Variants in SZRD1 observed in about 807,000 individuals in gnomAD.
The protein encoded by SZRD1 is SUZ RNA-binding domain-containing.
SZRD1 carries 7 observed loss-of-function variants against 17.6 expected under a neutral mutation model. The ratio of observed to expected loss-of-function variants is 0.40; its 90% CI spans 0.23 to 0.75. The LOEUF is 0.75. SZRD1 is among the 30% of genes least tolerant of loss of function. The pLI is 0.38. For synonymous variants in SZRD1, 77 were observed against 77.9 expected (o/e 0.99, Z 0.06); for missense variants, 178 against 201.8 (o/e 0.88, Z 0.71).
intron 1 of SZRD1, among the ~76,000 whole-genome samples, chr1:16,385,347 G>A (rs2083171335): frequency 6.6e-6 from 1 of 152,140 alleles, no homozygotes; most frequent in African/African-American, 2.4e-5. Context: ...TGTAACAGGT[G>A]TGAGTTTGTT....
chr1:16,385,665 A>G (rs754537359), intron 1 of SZRD1, among the ~76,000 whole-genome samples: 1 of 152,098 alleles, frequency 6.6e-6, no homozygotes, highest in Non-Finnish European at 1.5e-5. Flanking sequence ...GACAGTAACA[A>G]ACTGGGTTGT....
chr1:16,394,990 A>G, intron 3 of SZRD1, 48 bp from the exon 4 acceptor site: 1 of 1,010,016 alleles, frequency 9.9e-7, no homozygotes, highest in Non-Finnish European at 1.5e-6. Context: ...GATGGGGGAC[A>G]TCTATTATAT....
At chr1:16,369,124 TAC>T (rs978300807) in intron 1 of SZRD1, 15 of 402,822 alleles carry the variant, frequency 3.7e-5, no homozygotes, top group African/African-American at 2.9e-4. Context: ...GAAAAACTTA[TAC>T]AAAATATTCC....
chr1:16,369,246 T>TA (rs1310079374), intron 1 of SZRD1: 1 of 565,700 alleles, frequency 1.8e-6, no homozygotes. Context: ...ACCAATCACG[T>TA]AAATTATTCT....
At chr1:16,371,439 C>CA (rs2082911163) in intron 1 of SZRD1, among the ~76,000 whole-genome samples, 1 of 144,482 alleles carries the variant, frequency 6.9e-6, no homozygotes, top group Non-Finnish European at 1.5e-5. Context: ...CTCTCCCTTC[C>CA]TTTTTTTTCC....
intron 1 of SZRD1, among the ~76,000 whole-genome samples, chr1:16,389,080 C>CTTTTTTT (rs779460255): frequency 3.5e-5 from 4 of 114,900 alleles, no homozygotes; most frequent in East Asian, 2.5e-4. Context: ...TAGTTATTTC[C>CTTTTTTT]TTTTTTTTTT....
intron 1 of SZRD1, among the ~76,000 whole-genome samples, chr1:16,388,430 C>G (rs1178838636): frequency 6.6e-6 from 1 of 151,942 alleles, no homozygotes; most frequent in Non-Finnish European, 1.5e-5. Flanking sequence ...ATTTTAAACA[C>G]AAGTTAGTAC....
At chr1:16,385,046 G>C (rs1321751432) in intron 1 of SZRD1, among the ~76,000 whole-genome samples, 3 of 152,202 alleles carry the variant, frequency 2.0e-5, no homozygotes, top group East Asian at 3.8e-4. Flanking sequence ...TACTTAAATG[G>C]TAACCTTGTT....
At chr1:16,374,945 T>G (rs2082974649) in intron 1 of SZRD1, among the ~76,000 whole-genome samples, 1 of 152,196 alleles carries the variant, frequency 6.6e-6, no homozygotes, top group Non-Finnish European at 1.5e-5. Context: ...TGGCGCAATC[T>G]CAGCTCGCTG....
Position 16,395,020 on chromosome 1 carries a change from T to A in SZRD1, c.357-18T>A. ...TTATATCCTTCTTCAGGCCTTCCTCTGCTTTTCTTCCTTTCAGGCCAACCA... is the reference window on the plus strand; with the variant it reads ...TTATATCCTTCTTCAGGCCTTCCTCAGCTTTTCTTCCTTTCAGGCCAACCA... On this transcript the variant is annotated intron_variant, in intron 3 of 3. Transcript: ENST00000401088. 1.3e-6 allele frequency: 2 copies of A among 1,490,900 alleles called. No homozygotes were observed. The highest frequency in any genetic ancestry group is 2.3e-5 in the East Asian group (1 of 44,154). 92.4% of individuals were successfully genotyped at this position (1,490,900 alleles called of 1,614,324 possible). A position where few individuals can be genotyped will look rare whatever the true frequency, so the allele number is the denominator to read the frequency against.
chr1:16,387,963 G>T (rs1233055003), intron 1 of SZRD1, among the ~76,000 whole-genome samples: 1 of 152,142 alleles, frequency 6.6e-6, no homozygotes, highest in Non-Finnish European at 1.5e-5. Flanking sequence ...AAACATCCAG[G>T]TCGTTCTCTT....
Position 16,393,269 on chromosome 1 carries a change from A to C in SZRD1, c.143A>C (p.Gln48Pro). 6.2e-7 allele frequency: 1 copy of C among 1,614,190 alleles called. No homozygotes were observed. Among genetic ancestry groups the C allele is most frequent in the South Asian group, 1.1e-5 (1 of 91,086 alleles). ...KSPPKVPIVIQDDSLPAGPPP... is the reference protein window; with the variant it reads ...KSPPKVPIVIPDDSLPAGPPP... ...CCTCCCAAAGTGCCCATTGTGATTC[A>C]GGACGATAGCCTTCCCGCGGGGCCC... The change falls in exon 3 of 4, where the codon CAG becomes CCG. Residue 48 changes from glutamine to proline, a missense_variant. Gln to Pro is a moderately conservative substitution (Grantham distance 76). Around this residue, in one of 3 missense-constraint regions of SZRD1, gnomAD observed 117 missense variants for 108.7 expected, o/e 1.08. Transcript: ENST00000401088. This position sits in a 1 kb window ranked among gnomAD's most constrained non-coding sequence, Gnocchi z 5.6.
chr1:16,372,751 AAC>A (rs2082935374), intron 1 of SZRD1, among the ~76,000 whole-genome samples: 1 of 152,224 alleles, frequency 6.6e-6, no homozygotes, highest in Non-Finnish European at 1.5e-5. Flanking sequence ...CAGTTATCCA[AAC>A]ATTGCCCCAT....
chr1:16,369,963 C>T (rs935110684), intron 1 of SZRD1, among the ~76,000 whole-genome samples: 1 of 151,240 alleles, frequency 6.6e-6, no homozygotes. Flanking sequence ...AACACTTCTG[C>T]CAAAATGCAG....
intron 1 of SZRD1, among the ~76,000 whole-genome samples, chr1:16,389,764 A>G (rs952272747): frequency 6.6e-6 from 1 of 152,244 alleles, no homozygotes; most frequent in African/African-American, 2.4e-5. Context: ...TATTTTCAGA[A>G]CATACAGAGC....
At chr1:16,370,385 C>T (rs2082893654) in intron 1 of SZRD1, among the ~76,000 whole-genome samples, 1 of 151,766 alleles carries the variant, frequency 6.6e-6, no homozygotes, top group Non-Finnish European at 1.5e-5. Context: ...TGCTACCACG[C>T]CCAGCTAATT....
intron 1 of SZRD1, among the ~76,000 whole-genome samples, chr1:16,373,882 C>T (rs2082953906): frequency 6.6e-6 from 1 of 152,130 alleles, no homozygotes; most frequent in African/African-American, 2.4e-5. Context: ...GGATTGCAGG[C>T]GTGAGCCACC....
chr1:16,375,038 C>G (rs2082976465), intron 1 of SZRD1, among the ~76,000 whole-genome samples: 1 of 151,976 alleles, frequency 6.6e-6, no homozygotes, highest in Non-Finnish European at 1.5e-5. Context: ...CCACTACACC[C>G]AGCCAATTTT....
At chr1:16,394,655 G>A (rs1046625865) in intron 3 of SZRD1, among the ~76,000 whole-genome samples, 4 of 152,188 alleles carry the variant, frequency 2.6e-5, no homozygotes, top group Non-Finnish European at 4.4e-5. Flanking sequence ...CCAGCTATAT[G>A]GACAGTTGAT....
Sources: allele counts gnomAD v4.1 joint callset (sites outside exome capture counted in the v4.1 genomes callset), GRCh38; gene constraint gnomAD v4.1.1; regional missense constraint gnomAD v4.1.1; non-coding constraint Gnocchi (gnomAD v3.1); transcripts MANE v1.5; gene names NCBI Gene and HGNC (gene_info 2026-07-23, HGNC 2026-07-21).